The following PRAMEF27 variants were observed in gnomAD, a reference collection of about 807,000 sequenced individuals.
PRAMEF27 encodes PRAME family member 27.
In PRAMEF27, 5 loss-of-function variants were observed where a neutral mutation model predicts 21.0. The ratio of observed to expected loss-of-function variants is 0.24; its 90% CI spans 0.12 to 0.50. The LOEUF is 0.50. Ranked by LOEUF, PRAMEF27 falls within the 20% of genes least tolerant of loss-of-function variation. The pLI, the probability that PRAMEF27 is intolerant of heterozygous loss-of-function variation, is 0.98. For missense variants in PRAMEF27, 138 were observed against 541.4 expected (o/e 0.25, Z 7.39); for synonymous variants, 61 against 211.2 (o/e 0.29, Z 6.17).
chr1:13,053,794 C>A, intron 1 of PRAMEF27, 119 bp from the exon 2 acceptor site: 2 of 1,301,912 alleles, frequency 1.5e-6, no homozygotes, highest in Non-Finnish European at 2.0e-6. Context: ...TCAGTTTACT[C>A]CAATTCTGCC....
chr1:13,056,173 G>C lies in PRAMEF27; in HGVS notation c.-17+241C>G, dbSNP rs1388814213. On this transcript the variant is annotated intron_variant, in intron 1 of 3. Coordinates refer to ENST00000436041, the MANE Select transcript of PRAMEF27 (RefSeq NM_001300891.2). Reference sequence around the variant, plus strand: ...GGCCTCCCAAAGTGTTGGGGTTAAAGGCGTGAGTCACTGCTCCCTTCAAGA... The same window carrying C: ...GGCCTCCCAAAGTGTTGGGGTTAAACGCGTGAGTCACTGCTCCCTTCAAGA... 4 of 117,460 alleles carry C rather than the reference G, an allele frequency of 3.4e-5. 2 individuals carry two copies. The highest frequency in any genetic ancestry group is 2.4e-4 in the African/African-American group (4 of 16,698). The allele number at this position is 117,460 out of a possible 1,614,324, so 7.3% of individuals were successfully genotyped here.
intron 1 of PRAMEF27, chr1:13,056,070 A>T (rs1425653911): frequency 8.5e-6 from 1 of 117,350 alleles, no homozygotes; most frequent in Non-Finnish European, 1.6e-5. Flanking sequence ...CTCAAAAAAA[A>T]CGTTGTGTAG....
intron 3 of PRAMEF27, 197 bp from the exon 4 acceptor site, chr1:13,050,566 C>G: frequency 1.7e-6 from 1 of 586,596 alleles, no homozygotes; most frequent in South Asian, 2.1e-5. Flanking sequence ...TAGAGCCGGC[C>G]CAGTAACTCA....
At chr1:13,050,504 C>T in intron 3 of PRAMEF27, 135 bp from the exon 4 acceptor site, 1 of 1,322,956 alleles carries the variant, frequency 7.6e-7, no homozygotes, top group Non-Finnish European at 1.0e-6. Flanking sequence ...TGATGGTCAA[C>T]ACTTAGAATG....
At chr1:13,056,284 A>G (rs1368257530) in intron 1 of PRAMEF27, 130 bp downstream of exon 1, 1 of 118,742 alleles carries the variant, frequency 8.4e-6, no homozygotes, top group Non-Finnish European at 1.6e-5. Context: ...TCAAAGCTTC[A>G]AATTGTTCAT....
At position 13,056,496 on chromosome 1, in the gene PRAMEF27, C is replaced by T. The variant is rs1332096577; in HGVS notation, c.-99G>A. The T allele has an allele frequency of 7.9e-6, 1 of 126,936 alleles. No individual in the cohort carries two copies. Among genetic ancestry groups the T allele is most frequent in the Non-Finnish European group, 1.5e-5 (1 of 65,070 alleles). 7.9% of individuals were successfully genotyped at this position (126,936 alleles called of 1,614,324 possible). On this transcript the variant is annotated 5_prime_UTR_variant, in exon 1 of 4. Transcript: ENST00000436041. Reference sequence around the variant, plus strand: ...CCAGGCTTGAAGACTTTGGGTCTCTCCTGTGGGTCTTTAGAAGCTTTTATT... The same window carrying T: ...CCAGGCTTGAAGACTTTGGGTCTCTTCTGTGGGTCTTTAGAAGCTTTTATT...
intron 1 of PRAMEF27, 46 bp downstream of exon 1, chr1:13,056,368 G>A (rs1275619909): frequency 8.0e-6 from 1 of 125,362 alleles, no homozygotes; most frequent in East Asian, 2.1e-4. Flanking sequence ...CAGACTGACT[G>A]ACTCTAGGTC....
In PRAMEF27 at chr1:13,049,796, A is replaced by T; in HGVS notation, c.*12T>A. Reference sequence around the variant, plus strand: ...GAAAGCGTTTGACATACCCATCCAAATAGGCAGGCATTCAACAGCAGTATT... The same window carrying T: ...GAAAGCGTTTGACATACCCATCCAATTAGGCAGGCATTCAACAGCAGTATT... On this transcript the variant is annotated 3_prime_UTR_variant, in exon 4 of 4. Transcript: ENST00000436041. 3.6e-6 allele frequency: 5 copies of T among 1,381,218 alleles called. 2 individuals are homozygous for T. Among genetic ancestry groups the T allele is most frequent in the Non-Finnish European group, 4.7e-6 (5 of 1,061,058 alleles). 85.6% of individuals were successfully genotyped at this position (1,381,218 alleles called of 1,614,324 possible).
chr1:13,050,535 C>A, intron 3 of PRAMEF27, 166 bp from the exon 4 acceptor site: 1 of 1,099,834 alleles, frequency 9.1e-7, no homozygotes, highest in South Asian at 1.7e-5. Context: ...AAGAGCTTTG[C>A]CACCGAGGTC....
In PRAMEF27 at chr1:13,052,457, A is replaced by C; in HGVS notation, c.536T>G (p.Leu179Ter). ...LLLWVKQRKD[L>*]LHLCCKKLKI... ...CAGCTTCTTACAGCACAGGTGTAGT[A>C]AATCTTTCCTCTGCTTGACCCATAG... Residue 179 changes from leucine to a stop codon, truncating the protein, a stop_gained, in exon 3 of 4, where the codon TTA (leucine) becomes TGA (stop). Transcript: ENST00000436041. LOFTEE classifies it high-confidence loss of function. The C allele has an allele frequency of 8.7e-7, 1 of 1,155,568 alleles. No individual in the cohort carries two copies. 71.6% of individuals were successfully genotyped at this position (1,155,568 alleles called of 1,614,324 possible).
chr1:13,051,926 C>T (rs2100235900), intron 3 of PRAMEF27, 192 bp downstream of exon 3: 1 of 670,070 alleles, frequency 1.5e-6, no homozygotes, highest in Non-Finnish European at 2.3e-6. Flanking sequence ...CCTAGCTGAT[C>T]CCTCTGCCTC....
chr1:13,051,947 G>T (rs1642210723), intron 3 of PRAMEF27, 171 bp downstream of exon 3: 1 of 647,014 alleles, frequency 1.5e-6, no homozygotes, highest in Admixed American at 3.0e-5. Context: ...TATTGGGATG[G>T]TTGCATGATA....
intron 3 of PRAMEF27, 170 bp downstream of exon 3, chr1:13,051,948 T>A: frequency 1.6e-6 from 1 of 642,246 alleles, no homozygotes; most frequent in Non-Finnish European, 2.5e-6. Flanking sequence ...ATTGGGATGG[T>A]TGCATGATAC....
intron 3 of PRAMEF27, chr1:13,050,833 CTG>C (rs1642195130): frequency 3.2e-5 from 4 of 126,944 alleles, no homozygotes; most frequent in East Asian, 2.1e-4. Context: ...GAGAGAGACT[CTG>C]TATTAAAAAA....
rs1161160621 is a variant in PRAMEF27, at chr1:13,056,538, A to G, written c.-141T>C. ...GCTTTTATTGACCTTTCTAATCACAACTCCCACCCACGCCCTTCCACGTGT... is the reference window on the plus strand; with the variant it reads ...GCTTTTATTGACCTTTCTAATCACAGCTCCCACCCACGCCCTTCCACGTGT... On this transcript the variant is annotated 5_prime_UTR_variant, in exon 1 of 4. Transcript: ENST00000436041. The G allele has an allele frequency of 1.6e-5, 2 of 127,656 alleles. No homozygotes were observed. The highest frequency in any genetic ancestry group is 8.3e-5 in the African/African-American group (2 of 24,156). 7.9% of individuals were successfully genotyped at this position (127,656 alleles called of 1,614,324 possible).
chr1:13,056,187 C>G lies in PRAMEF27; in HGVS notation c.-17+227G>C, dbSNP rs1268687392. 2 of 117,798 alleles carry G rather than the reference C, an allele frequency of 1.7e-5. 1 individual carries two copies. The highest frequency in any genetic ancestry group is 3.1e-5 in the Non-Finnish European group (2 of 63,662). The allele number at this position is 117,798 out of a possible 1,614,324, so 7.3% of individuals were successfully genotyped here. A position where few individuals can be genotyped will look rare whatever the true frequency, so the allele number is the denominator to read the frequency against. ...TTGGGGTTAAAGGCGTGAGTCACTG[C>G]TCCCTTCAAGAATTTTAAAATGGCA... On this transcript the variant is annotated intron_variant, in intron 1 of 3. Coordinates refer to ENST00000436041, the MANE Select transcript of PRAMEF27 (RefSeq NM_001300891.2).
In PRAMEF27 at chr1:13,053,513, TCTC is replaced by T; in HGVS notation, c.144_146del (p.Arg49del). On this transcript the variant is annotated inframe_deletion, in exon 2 of 4. Transcript: ENST00000436041. ...CCATCAGCTTCAGGGCCTCACAGCA[TCTC>T]CTGCTGAAGGCCTCCATGAACAGTG... 6.8e-7 allele frequency: 1 copy of T among 1,475,980 alleles called. No homozygotes were observed. The highest frequency in any genetic ancestry group is 9.0e-7 in the Non-Finnish European group (1 of 1,116,412). 91.4% of individuals were successfully genotyped at this position (1,475,980 alleles called of 1,614,324 possible).
In PRAMEF27 at chr1:13,056,529, C is replaced by G. The variant is rs1179664309; in HGVS notation, c.-132G>C. On this transcript the variant is annotated 5_prime_UTR_variant, in exon 1 of 4. Coordinates refer to ENST00000436041, the MANE Select transcript of PRAMEF27 (RefSeq NM_001300891.2). ...TCTTTAGAAGCTTTTATTGACCTTT[C>G]TAATCACAACTCCCACCCACGCCCT... The G allele has an allele frequency of 7.8e-6, 1 of 128,316 alleles. No homozygotes were observed. The highest frequency in any genetic ancestry group is 1.5e-5 in the Non-Finnish European group (1 of 65,116). 7.9% of individuals were successfully genotyped at this position (128,316 alleles called of 1,614,324 possible). A position where few individuals can be genotyped will look rare whatever the true frequency, so the allele number is the denominator to read the frequency against.
Position 13,053,746 on chromosome 1 carries a change from T to C in PRAMEF27, c.-16-71A>G, listed in dbSNP as rs1169038584. ...GCCCATGCAATCTCATCTTCTCCTA[T>C]GGCCAAACTCACTGCTCTGGCAATG... On this transcript the variant is annotated intron_variant, in intron 1 of 3. Transcript: ENST00000436041. 1,597 of 1,528,354 alleles carry C rather than the reference T, an allele frequency of 1.0e-3. 42 individuals carry two copies. The highest frequency in any genetic ancestry group is 1.3e-3 in the Non-Finnish European group (1,460 of 1,153,562). The allele number at this position is 1,528,354 out of a possible 1,614,324, so 94.7% of individuals were successfully genotyped here. A position where few individuals can be genotyped will look rare whatever the true frequency, so the allele number is the denominator to read the frequency against.
Sources: allele counts gnomAD v4.1 joint callset, GRCh38; gene constraint gnomAD v4.1.1; transcripts MANE v1.5; gene names NCBI Gene and HGNC (gene_info 2026-07-23, HGNC 2026-07-21).